The following ACOXL variants were observed in gnomAD, a reference collection of about 807,000 sequenced individuals.
ACOXL encodes acyl-CoA oxidase like.
Under a neutral mutation model 71.9 loss-of-function variants are expected in ACOXL, and 70 were observed. The ratio of observed to expected loss-of-function variants is 0.97; its 90% confidence interval spans 0.80 to 1.19. The LOEUF is 1.19. Ranked by LOEUF, ACOXL falls within the 50% of genes most tolerant of loss-of-function variation. The pLI is 0.00. For missense variants in ACOXL, 703 were observed against 736.3 expected (o/e 0.95, Z 0.52); for synonymous variants, 253 against 281.6 (o/e 0.90, Z 1.02).
chr2:110,872,294 C>G (rs1379352308), intron 10 of ACOXL, among the ~76,000 whole-genome samples: 1 of 152,226 alleles, frequency 6.6e-6, no homozygotes, highest in Non-Finnish European at 1.5e-5. Flanking sequence ...TGAGGCCCGT[C>G]AGGATTCAAG....
intron 16 of ACOXL, among the ~76,000 whole-genome samples, chr2:111,056,639 T>A (rs1385304635): frequency 6.6e-6 from 1 of 151,766 alleles, no homozygotes; most frequent in African/African-American, 2.4e-5. Context: ...ATACAAAAAA[T>A]TAGCCGGGTG....
chr2:111,117,280 G>C (rs1389645044), intron 17 of ACOXL, among the ~76,000 whole-genome samples: 1 of 152,212 alleles, frequency 6.6e-6, no homozygotes, highest in South Asian at 2.1e-4. Flanking sequence ...GACCAGGGAG[G>C]AAGGACCAAG....
intron 14 of ACOXL, among the ~76,000 whole-genome samples, chr2:110,997,252 C>G (rs1303181207): frequency 6.6e-6 from 1 of 151,936 alleles, no homozygotes; most frequent in Non-Finnish European, 1.5e-5. Context: ...CTATGGATAA[C>G]AAATATTCCT....
At chr2:111,116,147 T>A (rs1039149422) in intron 17 of ACOXL, among the ~76,000 whole-genome samples, 5 of 152,240 alleles carry the variant, frequency 3.3e-5, no homozygotes, top group African/African-American at 1.2e-4. Context: ...CGCCACCTCA[T>A]GGTTTTGAAC....
At chr2:110,750,683 G>GTATA (rs150301771) in intron 1 of ACOXL, among the ~76,000 whole-genome samples, 17 of 147,616 alleles carry the variant, frequency 1.2e-4, no homozygotes, top group South Asian at 6.4e-4. Context: ...GTGTGTGTGT[G>GTATA]TATATATATA....
chr2:110,782,733 T>C (rs1465394539), intron 2 of ACOXL, among the ~76,000 whole-genome samples: 1 of 152,220 alleles, frequency 6.6e-6, no homozygotes, highest in African/African-American at 2.4e-5. Flanking sequence ...GTCATACTCC[T>C]GCACTGACAG....
intron 12 of ACOXL, 79 bp from the exon 13 acceptor site, chr2:110,987,029 A>G (rs1574395421): frequency 1.7e-6 from 2 of 1,154,902 alleles, no homozygotes; most frequent in South Asian, 2.7e-5. Context: ...TGACAAATAG[A>G]TCTTATTGGG....
chr2:110,896,014 A>T (rs1004965286), intron 10 of ACOXL, among the ~76,000 whole-genome samples: 2 of 152,168 alleles, frequency 1.3e-5, no homozygotes, highest in Non-Finnish European at 2.9e-5. Flanking sequence ...TCTCTAAATT[A>T]TGTTTGGCAG....
intron 1 of ACOXL, among the ~76,000 whole-genome samples, chr2:110,754,190 ATCC>A (rs1230504598): frequency 2.0e-5 from 3 of 150,454 alleles, no homozygotes; most frequent in Non-Finnish European, 4.4e-5. Flanking sequence ...CTCCCACCTC[ATCC>A]TCCGAAGTAG....
chr2:111,061,325 C>T (rs2066801652), intron 16 of ACOXL, among the ~76,000 whole-genome samples: 1 of 152,132 alleles, frequency 6.6e-6, no homozygotes, highest in South Asian at 2.1e-4. Context: ...GCATATTTCT[C>T]ATCAGAAACC....
At chr2:110,748,043 A>G (rs1474523360) in intron 1 of ACOXL, among the ~76,000 whole-genome samples, 1 of 152,194 alleles carries the variant, frequency 6.6e-6, no homozygotes, top group African/African-American at 2.4e-5. Context: ...TCTTCTGCAG[A>G]AAACAACCAT....
chr2:110,738,049 C>T (rs901017792), intron 1 of ACOXL, among the ~76,000 whole-genome samples: 1 of 152,196 alleles, frequency 6.6e-6, no homozygotes, highest in African/African-American at 2.4e-5. Flanking sequence ...GAGACTGGGA[C>T]CTTCCACTTC....
At chr2:110,733,879 A>G (rs1676505043) in intron 1 of ACOXL, among the ~76,000 whole-genome samples, 1 of 152,238 alleles carries the variant, frequency 6.6e-6, no homozygotes, top group African/African-American at 2.4e-5. Context: ...AGAGCATTTC[A>G]GGCGGTTCAT....
chr2:111,103,572 G>A (rs546739996), intron 17 of ACOXL, among the ~76,000 whole-genome samples: 5 of 152,200 alleles, frequency 3.3e-5, no homozygotes, highest in East Asian at 3.9e-4. Flanking sequence ...TGACTTTTTC[G>A]GGACTTTGGG....
At chr2:110,860,549 GC>G (rs1267828413) in intron 10 of ACOXL, among the ~76,000 whole-genome samples, 1 of 152,202 alleles carries the variant, frequency 6.6e-6, no homozygotes, top group Non-Finnish European at 1.5e-5. Context: ...TCTGAGCCTG[GC>G]CTGGGCTGAG....
intron 10 of ACOXL, among the ~76,000 whole-genome samples, chr2:110,904,151 G>C (rs1035691813): frequency 1.4e-5 from 2 of 146,480 alleles, no homozygotes; most frequent in Non-Finnish European, 1.5e-5. Flanking sequence ...GGGAGGGAAA[G>C]AAAGAGTTGG....
chr2:110,886,503 A>G (rs1697316102), intron 10 of ACOXL, among the ~76,000 whole-genome samples: 1 of 151,030 alleles, frequency 6.6e-6, no homozygotes, highest in South Asian at 2.1e-4. Flanking sequence ...CAGCCTCCTG[A>G]GTAGCTGGAA....
intron 13 of ACOXL, among the ~76,000 whole-genome samples, chr2:110,991,285 T>C (rs1192176832): frequency 6.6e-6 from 1 of 152,198 alleles, no homozygotes; most frequent in African/African-American, 2.4e-5. Flanking sequence ...TGCCTTCTTA[T>C]GCTTTCTCCT....
At chr2:110,818,427 G>A (rs75665811) in intron 9 of ACOXL, among the ~76,000 whole-genome samples, 2,684 of 135,440 alleles carry the variant, frequency 0.02, 37 homozygotes, top group East Asian at 0.049. Context: ...ATATATATGT[G>A]TGTGTGTGTG....
Sources: allele counts gnomAD v4.1 joint callset (sites outside exome capture counted in the v4.1 genomes callset), GRCh38; gene constraint gnomAD v4.1.1; transcripts MANE v1.5; gene names NCBI Gene and HGNC (gene_info 2026-07-23, HGNC 2026-07-21).